Variants in RNFT2 observed in about 807,000 individuals in gnomAD.
RNFT2 encodes E3 ubiquitin-protein ligase RNFT2.
In RNFT2, 36 loss-of-function variants were observed where a neutral mutation model predicts 53.0. That is an observed-to-expected ratio of 0.68 (90% CI 0.52 to 0.90). The LOEUF (loss-of-function observed/expected upper bound fraction) is 0.90, where lower values mean the gene tolerates loss of function less well. Ranked by LOEUF, RNFT2 falls within the 40% of genes least tolerant of loss-of-function variation. RNFT2 has a pLI of 0.00. For missense variants in RNFT2, 514 were observed against 585.6 expected (o/e 0.88, Z 1.26); for synonymous variants, 260 against 253.2 (o/e 1.03, Z -0.26).
intron 7 of RNFT2, among the ~76,000 whole-genome samples, chr12:116,780,086 T>C (rs1271861541): frequency 4.6e-5 from 7 of 152,194 alleles, no homozygotes; most frequent in African/African-American, 1.7e-4. Context: ...AGCTGAGACA[T>C]GTCCCAGGCA....
intron 7 of RNFT2, among the ~76,000 whole-genome samples, chr12:116,794,101 T>C (rs1045563424): frequency 6.6e-6 from 1 of 151,496 alleles, no homozygotes; most frequent in Non-Finnish European, 1.5e-5. Context: ...CCTGTCTCTA[T>C]AAAAAACTAA....
chr12:116,825,197 T>A (rs908750485), intron 7 of RNFT2, among the ~76,000 whole-genome samples: 3 of 152,132 alleles, frequency 2.0e-5, no homozygotes, highest in Non-Finnish European at 2.9e-5. Flanking sequence ...TCAGAGCTGC[T>A]CCCCTTCCAC....
intron 7 of RNFT2, among the ~76,000 whole-genome samples, chr12:116,785,286 GTT>G (rs1873889214): frequency 9.7e-6 from 1 of 102,858 alleles, no homozygotes; most frequent in Non-Finnish European, 1.9e-5. Context: ...GCGGGGGGGG[GTT>G]GTTTGTTTGT....
At chr12:116,747,212 A>G (rs1158478138) in intron 3 of RNFT2, among the ~76,000 whole-genome samples, 2 of 152,112 alleles carry the variant, frequency 1.3e-5, no homozygotes, top group Admixed American at 6.5e-5. Context: ...GCGTGCCACC[A>G]TGCCTGGCTA....
chr12:116,799,422 A>G (rs929937999), intron 7 of RNFT2, among the ~76,000 whole-genome samples: 22 of 152,234 alleles, frequency 1.4e-4, no homozygotes, highest in African/African-American at 5.3e-4. Flanking sequence ...TTTATCGTGT[A>G]GCCTGTAATA....
In RNFT2 at chr12:116,836,211, T is replaced by C. The variant is rs2058742765; in HGVS notation, c.1129T>C (p.Cys377Arg). ...NYGVRATGQQ[C>R]TEAGDICAIC... The stretch of plus-strand genomic sequence containing the variant: ...TGGAGTCCGAGCCACCGGGCAGCAG[T>C]GCACAGAAGCTGGTGACATCTGCGC... The change falls in exon 10 of 11, where the codon TGC (cysteine) becomes CGC (arginine). Residue 377 changes from cysteine to arginine, a missense_variant. Cys to Arg is a radical substitution (Grantham distance 180, BLOSUM62 -3). Coordinates refer to ENST00000257575, the MANE Select transcript of RNFT2 (RefSeq NM_001382266.1). The C allele has an allele frequency of 1.3e-6, 2 of 1,595,834 alleles. No homozygotes were observed. The highest frequency in any genetic ancestry group is 8.5e-7 in the Non-Finnish European group (1 of 1,171,192).
intron 8 of RNFT2, among the ~76,000 whole-genome samples, chr12:116,834,952 C>T (rs560369160): frequency 2.0e-5 from 3 of 151,244 alleles, no homozygotes; most frequent in Admixed American, 6.6e-5. Flanking sequence ...CGGGTTCAAG[C>T]GATTCTCATG....
At chr12:116,748,624 C>G (rs968600946) in intron 3 of RNFT2, 6 of 444,450 alleles carry the variant, frequency 1.3e-5, no homozygotes, top group South Asian at 3.2e-5. Context: ...CCAGCTAAGT[C>G]TTCTTCACAT....
Position 116,833,870 on chromosome 12 carries a change from A to C in RNFT2, c.961A>C (p.Ile321Leu). 1 of 1,613,286 alleles carries C rather than the reference A, an allele frequency of 6.2e-7. No homozygotes were observed. The highest frequency in any genetic ancestry group is 1.3e-5 in the African/African-American group (1 of 74,986). The change falls in exon 8 of 11, where the codon ATC (isoleucine) becomes CTC (leucine). Residue 321 changes from isoleucine to leucine, a missense_variant. By Grantham distance (5) the Ile-to-Leu change is conservative (BLOSUM62 2). This residue lies in a region of RNFT2 where 273 missense variants were observed against 334.4 expected (regional missense o/e 0.82). Transcript: ENST00000257575. Reference sequence around the variant, plus strand: ...CCCCATCCAGCTGTGGTACAAATACATCATGGGTGACGACTCCTCCAACAG... The same window carrying C: ...CCCCATCCAGCTGTGGTACAAATACCTCATGGGTGACGACTCCTCCAACAG... ...LVPIQLWYKY[I>L]MGDDSSNSYF...
At chr12:116,833,400 T>C (rs965722241) in intron 7 of RNFT2, among the ~76,000 whole-genome samples, 2 of 152,182 alleles carry the variant, frequency 1.3e-5, no homozygotes, top group African/African-American at 4.8e-5. Flanking sequence ...GTCAGCCCTC[T>C]AAAGATGAGG....
intron 3 of RNFT2, 70 bp downstream of exon 3, chr12:116,741,164 G>T: frequency 8.1e-7 from 1 of 1,242,000 alleles, no homozygotes; most frequent in South Asian, 1.3e-5. Context: ...CCCAAAACTG[G>T]ATTGAACAAT....
At chr12:116,780,360 C>A (rs1326779225) in intron 7 of RNFT2, among the ~76,000 whole-genome samples, 1 of 152,150 alleles carries the variant, frequency 6.6e-6, no homozygotes, top group African/African-American at 2.4e-5. Context: ...ATTGGATTCT[C>A]ATAGGGAGCA....
intron 7 of RNFT2, among the ~76,000 whole-genome samples, chr12:116,809,361 G>A (rs1875250333): frequency 6.6e-6 from 1 of 152,156 alleles, no homozygotes; most frequent in Non-Finnish European, 1.5e-5. Flanking sequence ...ACTTCGTTGT[G>A]AGGTTTCGGC....
intron 3 of RNFT2, 98 bp from the exon 4 acceptor site, chr12:116,749,743 C>A: frequency 1.8e-6 from 2 of 1,082,612 alleles, no homozygotes; most frequent in Non-Finnish European, 1.3e-6. Context: ...ACAGCTCAAC[C>A]CATAACATAA....
chr12:116,748,047 G>A (rs923908307), intron 3 of RNFT2, among the ~76,000 whole-genome samples: 7 of 151,982 alleles, frequency 4.6e-5, no homozygotes, highest in East Asian at 3.9e-4. Context: ...AAAATTAGCC[G>A]CACATGATGG....
intron 7 of RNFT2, among the ~76,000 whole-genome samples, chr12:116,833,015 G>A (rs1360862301): frequency 1.4e-5 from 2 of 142,088 alleles, no homozygotes; most frequent in African/African-American, 2.6e-5. Context: ...CCAAGTTCAA[G>A]CAATTCTCCT....
intron 7 of RNFT2, among the ~76,000 whole-genome samples, chr12:116,823,081 G>T (rs1360649785): frequency 6.6e-6 from 1 of 152,180 alleles, no homozygotes; most frequent in Non-Finnish European, 1.5e-5. Flanking sequence ...TGACCTCCTG[G>T]ATCCAGGAAT....
chr12:116,763,745 C>T (rs1478216910), intron 5 of RNFT2, among the ~76,000 whole-genome samples: 1 of 150,522 alleles, frequency 6.6e-6, no homozygotes, highest in Non-Finnish European at 1.5e-5. Flanking sequence ...CGCCACTGCA[C>T]TCCAGCCTGG....
At chr12:116,759,767 G>A (rs1872627479) in intron 5 of RNFT2, among the ~76,000 whole-genome samples, 1 of 152,158 alleles carries the variant, frequency 6.6e-6, no homozygotes, top group African/African-American at 2.4e-5. Context: ...TGGAGGTGGT[G>A]GAGGGTGCAA....
Sources: gnomAD v4.1 joint callset for allele counts (sites outside exome capture counted in the v4.1 genomes callset) on GRCh38, gnomAD v4.1.1 for gene constraint, gnomAD v4.1.1 regional missense constraint, MANE v1.5 for transcripts, NCBI Gene and HGNC (gene_info 2026-07-23, HGNC 2026-07-21) for gene names.